The following AGFG1 variants were observed in gnomAD, a reference collection of about 807,000 sequenced individuals.
AGFG1 encodes the protein ArfGAP with FG repeats 1.
Under a neutral mutation model 60.6 loss-of-function variants are expected in AGFG1, and 10 were observed. The observed-to-expected ratio is 0.16, with a 90% CI of 0.10 to 0.28. The LOEUF (loss-of-function observed/expected upper bound fraction) is 0.28, where lower values mean the gene tolerates loss of function less well. Among genes scored for constraint, AGFG1 ranks in the 10% least tolerant of loss-of-function variants. The pLI is 1.00. For missense variants in AGFG1, 537 were observed against 676.5 expected (o/e 0.79, Z 2.29); for synonymous variants, 247 against 242.9 (o/e 1.02, Z -0.16).
In AGFG1 at chr2:227,519,982, A is replaced by G. The variant is rs759682631; in HGVS notation, c.296A>G (p.Asp99Gly). 2.5e-6 allele frequency: 4 copies of G among 1,587,720 alleles called. No homozygotes were observed. The highest frequency in any genetic ancestry group is 1.7e-6 in the Non-Finnish European group (2 of 1,171,980). The stretch of plus-strand genomic sequence containing the variant: ...CAGATTTGGCTAGGATTATTTGATG[A>G]TAGATCTTCAGCAATTCCAGACTTC... ...CKQIWLGLFD[D>G]RSSAIPDFRD... Residue 99 changes from aspartate (D) to glycine (G), a missense_variant, in exon 3 of 13, where the codon GAT becomes GGT. Asp to Gly is a moderately conservative substitution (Grantham distance 94). Transcript: ENST00000310078.
At chr2:227,517,497 C>A (rs1691688438) in intron 2 of AGFG1, among the ~76,000 whole-genome samples, 1 of 152,174 alleles carries the variant, frequency 6.6e-6, no homozygotes, top group South Asian at 2.1e-4. Flanking sequence ...GTCTCGATCT[C>A]CTGACCTCAT....
At chr2:227,530,242 G>A (rs1692118940) in intron 5 of AGFG1, among the ~76,000 whole-genome samples, 1 of 152,174 alleles carries the variant, frequency 6.6e-6, no homozygotes, top group Admixed American at 6.6e-5. Context: ...TTTGTACAGA[G>A]ATTGCCTGAG....
At chr2:227,472,833 C>T (rs1486211420) in intron 1 of AGFG1, among the ~76,000 whole-genome samples, 4 of 151,388 alleles carry the variant, frequency 2.6e-5, no homozygotes, top group South Asian at 2.1e-4. Flanking sequence ...TTCTGGGCAG[C>T]CTTCGTGGGT....
intron 1 of AGFG1, among the ~76,000 whole-genome samples, chr2:227,490,556 C>T (rs958080378): frequency 2.0e-4 from 28 of 142,778 alleles, no homozygotes; most frequent in Admixed American, 1.8e-3. Context: ...CCAGCCTGGG[C>T]GACAGAGCGA....
intron 1 of AGFG1, among the ~76,000 whole-genome samples, chr2:227,491,045 G>A (rs1690802078): frequency 6.6e-6 from 1 of 151,918 alleles, no homozygotes; most frequent in South Asian, 2.1e-4. Context: ...TTACTAATTG[G>A]TTTATTACCT....
chr2:227,509,806 A>G (rs140276091), intron 2 of AGFG1, among the ~76,000 whole-genome samples: 1 of 152,214 alleles, frequency 6.6e-6, no homozygotes. Context: ...AGTGATTACT[A>G]TAGAAAATAC....
Position 227,472,481 on chromosome 2 carries a change from G to A in AGFG1, c.60G>A (p.Met20Ile). The change falls in exon 1 of 13, where the codon ATG becomes ATA. Residue 20 changes from methionine (M) to isoleucine (I), a missense_variant. Coordinates refer to ENST00000310078, the MANE Select transcript of AGFG1 (RefSeq NM_004504.5). ...EEKHLKMLRD[M>I]TGLPHNRKCF... ...AGCACCTGAAGATGCTGCGGGACAT[G>A]ACCGGCCTCCCGCACAACCGAAAGT... The A allele has an allele frequency of 1.3e-6, 2 of 1,578,716 alleles. No homozygotes were observed. Among genetic ancestry groups the A allele is most frequent in the Non-Finnish European group, 1.7e-6 (2 of 1,162,830 alleles).
chr2:227,489,378 C>T (rs1321962688), intron 1 of AGFG1, among the ~76,000 whole-genome samples: 3 of 151,058 alleles, frequency 2.0e-5, no homozygotes, highest in Non-Finnish European at 4.4e-5. Context: ...AGCGCCACCA[C>T]ACCTGCCTAA....
intron 1 of AGFG1, among the ~76,000 whole-genome samples, chr2:227,479,852 A>T (rs1296814346): frequency 6.6e-6 from 1 of 152,234 alleles, no homozygotes; most frequent in Non-Finnish European, 1.5e-5. Flanking sequence ...AAGACACCTG[A>T]TTGAACATTA....
chr2:227,514,667 A>C (rs151310090), intron 2 of AGFG1, among the ~76,000 whole-genome samples: 1 of 152,240 alleles, frequency 6.6e-6, no homozygotes, highest in Non-Finnish European at 1.5e-5. Flanking sequence ...AAACTCATGC[A>C]GTCTGATTCC....
chr2:227,547,664 A>G (rs1692693485), intron 10 of AGFG1, among the ~76,000 whole-genome samples: 1 of 152,248 alleles, frequency 6.6e-6, no homozygotes, highest in Non-Finnish European at 1.5e-5. Flanking sequence ...GAAGGTATAC[A>G]GATGGCCAAT....
intron 2 of AGFG1, among the ~76,000 whole-genome samples, chr2:227,509,257 CTTTAA>C (rs927902965): frequency 6.6e-6 from 1 of 152,056 alleles, no homozygotes; most frequent in Non-Finnish European, 1.5e-5. Flanking sequence ...AAATACGTAA[CTTTAA>C]TTTAATCATG....
At chr2:227,487,048 G>T (rs553433963) in intron 1 of AGFG1, among the ~76,000 whole-genome samples, 1 of 152,166 alleles carries the variant, frequency 6.6e-6, no homozygotes, top group Non-Finnish European at 1.5e-5. Context: ...ATGCTGGTGG[G>T]TATCACAGGA....
At chr2:227,515,454 G>C (rs529933569) in intron 2 of AGFG1, among the ~76,000 whole-genome samples, 114 of 151,990 alleles carry the variant, frequency 7.5e-4, no homozygotes, top group Non-Finnish European at 1.5e-3. Flanking sequence ...TCTAATACTG[G>C]AGCCAACAAT....
rs187898535 is a variant in AGFG1 at position 227,545,940 on chromosome 2, C to T, written c.1379-6019C>T. On this transcript the variant is annotated intron_variant, in intron 10 of 12. Coordinates refer to ENST00000310078, the MANE Select transcript of AGFG1 (RefSeq NM_004504.5). ...CTCCCAGTTAGGCTACTGCGGGGGT[C>T]AGGGACCCACTTGAGGAGGCAGTCT... Among the ~76,000 whole-genome samples, 792 of 152,324 alleles carry T rather than the reference C, an allele frequency of 5.2e-3. 3 individuals are homozygous for T. Among genetic ancestry groups the T allele is most frequent in the African/African-American group, 0.016 (674 of 41,566 alleles).
chr2:227,516,491 A>G (rs1374049493), intron 2 of AGFG1, among the ~76,000 whole-genome samples: 1 of 152,188 alleles, frequency 6.6e-6, no homozygotes, highest in Non-Finnish European at 1.5e-5. Flanking sequence ...AGGGACTTTG[A>G]CAGTGAGACA....
intron 2 of AGFG1, among the ~76,000 whole-genome samples, chr2:227,509,070 C>A (rs943577107): frequency 6.6e-5 from 10 of 152,086 alleles, no homozygotes; most frequent in Admixed American, 4.6e-4. Context: ...CTCAAAAGAT[C>A]TACCTGCAAA....
At chr2:227,493,192 TC>T (rs1416916155) in intron 2 of AGFG1, among the ~76,000 whole-genome samples, 1 of 152,158 alleles carries the variant, frequency 6.6e-6, no homozygotes, top group Non-Finnish European at 1.5e-5. Flanking sequence ...TGATCTACCC[TC>T]TTAACAAATT....
At chr2:227,523,681 C>T in intron 3 of AGFG1, 82 bp from the exon 4 acceptor site, 1 of 1,325,974 alleles carries the variant, frequency 7.5e-7, no homozygotes, top group South Asian at 1.4e-5. Context: ...CAATCTTGTA[C>T]AAAGTTAGAA....
Sources: allele counts gnomAD v4.1 joint callset (sites outside exome capture counted in the v4.1 genomes callset), GRCh38; gene constraint gnomAD v4.1.1; transcripts MANE v1.5; gene names NCBI Gene and HGNC (gene_info 2026-07-23, HGNC 2026-07-21).